REPS2: variants seen among roughly 807,000 people sequenced by gnomAD.
REPS2 encodes RALBP1 associated Eps domain containing 2, also known as ralBP1-associated Eps domain-containing protein 2.
A neutral mutation model predicts 53.6 loss-of-function variants in REPS2; 23 were observed. The ratio of observed to expected loss-of-function variants is 0.43; its 90% CI spans 0.31 to 0.61. The LOEUF (loss-of-function observed/expected upper bound fraction) is 0.61. REPS2 is among the 20% of genes least tolerant of loss of function. The probability of loss-of-function intolerance (pLI) is 0.11; values close to 1 mark genes in which losing one functional copy is unlikely to be tolerated. For synonymous variants in REPS2, 238 were observed against 218.6 expected (o/e 1.09, Z -0.78); for missense variants, 446 against 534.9 (o/e 0.83, Z 1.64).
intron 1 of REPS2, among the ~76,000 whole-genome samples, chrX:16,994,994 A>G (rs932775519): frequency 8.9e-6 from 1 of 112,282 alleles, no homozygotes; most frequent in African/African-American, 3.2e-5. Context: ...CAGGCAGCCA[A>G]AAGAAAAATG....
chrX:17,120,157 G>T (rs1263669176), intron 14 of REPS2, among the ~76,000 whole-genome samples: 1 of 111,882 alleles, frequency 8.9e-6, no homozygotes, highest in Non-Finnish European at 1.9e-5. Flanking sequence ...TTACAGGCGT[G>T]AGCCACTGTG....
the REPS2 span, among the ~76,000 whole-genome samples, chrX:17,180,376 A>G: frequency 1.8e-5 from 2 of 111,233 alleles, no homozygotes; most frequent in Non-Finnish European, 3.8e-5. Flanking sequence ...ATACTAAGCG[A>G]TCTTGAGCAA....
At chrX:17,051,849 C>A (rs2062007640) in intron 6 of REPS2, among the ~76,000 whole-genome samples, 1 of 111,710 alleles carries the variant, frequency 9.0e-6, no homozygotes, top group African/African-American at 3.2e-5. Flanking sequence ...TCAGTTGATA[C>A]AGGTAAATCA....
intron 5 of REPS2, among the ~76,000 whole-genome samples, chrX:17,042,280 A>G (rs1159877099): frequency 1.8e-5 from 2 of 112,059 alleles, no homozygotes; most frequent in African/African-American, 3.2e-5. Flanking sequence ...TTTAGGGTGC[A>G]TGCAAAAGTG....
At chrX:17,083,446 G>A in intron 13 of REPS2, among the ~76,000 whole-genome samples, 1 of 111,499 alleles carries the variant, frequency 9.0e-6, no homozygotes, top group Middle Eastern at 4.6e-3. Context: ...TTCCAACACT[G>A]AGGAGTAGTT....
chrX:17,052,315 G>C (rs1258958305), intron 6 of REPS2, 67 bp from the exon 7 acceptor site: 1 of 888,747 alleles, frequency 1.1e-6, no homozygotes, highest in African/African-American at 2.0e-5. Flanking sequence ...TGATTCATTT[G>C]TATATAAATG....
At chrX:17,166,894 T>G in the REPS2 span, among the ~76,000 whole-genome samples, 2 of 112,229 alleles carry the variant, frequency 1.8e-5, no homozygotes, top group South Asian at 7.4e-4. Flanking sequence ...ACATACTGAT[T>G]TGGGAATTTT....
At chrX:17,020,074 G>A (rs2061552008) in intron 2 of REPS2, among the ~76,000 whole-genome samples, 1 of 111,866 alleles carries the variant, frequency 8.9e-6, no homozygotes, top group African/African-American at 3.3e-5. Context: ...GGGGAGAGAG[G>A]TGGTTTTCTA....
At chrX:17,192,205 CGT>C in the REPS2 span, among the ~76,000 whole-genome samples, 4 of 112,306 alleles carry the variant, frequency 3.6e-5, no homozygotes, top group African/African-American at 9.7e-5. Flanking sequence ...TGTGTGTGTG[CGT>C]GCACGCATGA....
chrX:17,059,443 A>G (rs770697167), intron 8 of REPS2, among the ~76,000 whole-genome samples: 2 of 109,684 alleles, frequency 1.8e-5, no homozygotes, highest in Admixed American at 9.8e-5. Context: ...TCATGCATTC[A>G]TAACTAGACA....
intron 1 of REPS2, among the ~76,000 whole-genome samples, chrX:16,986,561 A>C (rs1246816489): frequency 8.9e-6 from 1 of 111,788 alleles, no homozygotes; most frequent in African/African-American, 3.3e-5. Flanking sequence ...GCTTTCAGGC[A>C]TCATTTGGGG....
chrX:17,043,165 A>G (rs1357601424), intron 5 of REPS2, among the ~76,000 whole-genome samples: 1 of 111,253 alleles, frequency 9.0e-6, no homozygotes, highest in African/African-American at 3.3e-5. Context: ...TACAGCGAGA[A>G]GCAAGGGGAA....
chrX:17,033,429 T>C (rs1465554303), intron 5 of REPS2, among the ~76,000 whole-genome samples: 2 of 111,949 alleles, frequency 1.8e-5, no homozygotes, highest in African/African-American at 6.5e-5. Flanking sequence ...ATCTTCACTC[T>C]AATGTTCCAC....
chrX:16,965,149 C>T (rs1286044177), intron 1 of REPS2, among the ~76,000 whole-genome samples: 1 of 94,490 alleles, frequency 1.1e-5, no homozygotes, highest in African/African-American at 4.0e-5. Context: ...CTGACCCCCC[C>T]ACCTCCCTCC....
chrX:17,133,186 C>T (rs989623598), intron 14 of REPS2, among the ~76,000 whole-genome samples: 12 of 110,625 alleles, frequency 1.1e-4, no homozygotes, highest in Non-Finnish European at 5.7e-5. Context: ...GCTTGGGCTT[C>T]GGAGGAGCAG....
At chrX:17,060,947 C>G (rs1406674553) in intron 8 of REPS2, among the ~76,000 whole-genome samples, 1 of 111,446 alleles carries the variant, frequency 9.0e-6, no homozygotes, top group Non-Finnish European at 1.9e-5. Flanking sequence ...CAGTCAGGAG[C>G]AGCGGGGTGC....
At chrX:17,065,861 A>C (rs2062218781) in intron 9 of REPS2, among the ~76,000 whole-genome samples, 2 of 111,613 alleles carry the variant, frequency 1.8e-5, no homozygotes, top group South Asian at 7.6e-4. Flanking sequence ...CTGGGATTAC[A>C]GGCGTGAACC....
At chrX:17,101,612 G>A (rs754889977) in intron 13 of REPS2, among the ~76,000 whole-genome samples, 33 of 111,710 alleles carry the variant, frequency 3.0e-4, no homozygotes, top group Non-Finnish European at 5.3e-4. Context: ...TTTTACAAGA[G>A]CAGGGCATTT....
intron 1 of REPS2, among the ~76,000 whole-genome samples, chrX:16,968,414 G>A: frequency 8.9e-6 from 1 of 112,762 alleles, no homozygotes; most frequent in East Asian, 2.8e-4. Context: ...CCCAGTAGGG[G>A]CGGCCGGGCA....
Sources: allele counts gnomAD v4.1 joint callset (sites outside exome capture counted in the v4.1 genomes callset), GRCh38; gene constraint gnomAD v4.1.1; transcripts MANE v1.5; gene names NCBI Gene and HGNC (gene_info 2026-07-23, HGNC 2026-07-21).